B4GALT4: variants seen among roughly 807,000 people sequenced by gnomAD.
B4GALT4 encodes the protein N-acetyllactosamine synthase.
In B4GALT4, 27 loss-of-function variants were observed where a neutral mutation model predicts 37.3. The ratio of observed to expected loss-of-function variants is 0.72; its 90% CI spans 0.53 to 1.00. B4GALT4 has a LOEUF of 1.00. Among genes scored for constraint, B4GALT4 ranks in the 50% least tolerant of loss-of-function variants. The pLI is 0.00. For missense variants in B4GALT4, 372 were observed against 413.1 expected, an observed-to-expected ratio of 0.90 and a Z score of 0.86; for synonymous variants, 148 against 154.1, an observed-to-expected ratio of 0.96 and a Z score of 0.29.
At chr3:119,229,308 C>T (rs4234656) in intron 3 of B4GALT4, among the ~76,000 whole-genome samples, 137,471 of 152,244 alleles carry the variant, frequency 0.9, 62,231 homozygotes, top group Middle Eastern at 0.94. Flanking sequence ...ATGGACGCTA[C>T]TAATGTGTGC....
chr3:119,224,785 T>C (rs1439740615), intron 4 of B4GALT4, among the ~76,000 whole-genome samples: 1 of 152,200 alleles, frequency 6.6e-6, no homozygotes, highest in Non-Finnish European at 1.5e-5. Context: ...TAATGTACAC[T>C]TAAAATGTAT....
chr3:119,227,118 T>A, intron 3 of B4GALT4, 77 bp from the exon 4 acceptor site: 2 of 1,263,258 alleles, frequency 1.6e-6, no homozygotes. Flanking sequence ...CTAATATGCA[T>A]AGAAAGAACA....
At chr3:119,231,888 A>G (rs1227790304) in intron 2 of B4GALT4, among the ~76,000 whole-genome samples, 1 of 148,848 alleles carries the variant, frequency 6.7e-6, no homozygotes, top group South Asian at 2.1e-4. Context: ...TTTGTATATC[A>G]CATATTGTCA....
At position 119,226,914 on chromosome 3, in the gene B4GALT4, G is replaced by A. The variant is rs780383728; in HGVS notation, c.381C>T (p.Leu127=). 9.3e-6 allele frequency: 15 copies of A among 1,614,048 alleles called. No homozygotes were observed. Among genetic ancestry groups the A allele is most frequent in the South Asian group, 3.3e-5 (3 of 91,084 alleles). ...ECKALQRVAI[L]VPHRNREKHL... ...GTTTCTCTCTGTTCCGGTGGGGAACGAGGATGGCGACCCTCTGTAAAGCTT... is the reference window on the plus strand; with the variant it reads ...GTTTCTCTCTGTTCCGGTGGGGAACAAGGATGGCGACCCTCTGTAAAGCTT... Residue 127 remains leucine, a synonymous_variant, in exon 4 of 8, where the codon CTC becomes CTT. Transcript: ENST00000393765.
In B4GALT4 at chr3:119,211,871, T is replaced by C. The variant is rs768869199; in HGVS notation, c.*678A>G. 1.1e-4 allele frequency: 43 copies of C among 394,972 alleles called. No homozygotes were observed. The highest frequency in any genetic ancestry group is 1.6e-4 in the Admixed American group (4 of 25,050). 24.5% of individuals were successfully genotyped at this position (394,972 alleles called of 1,614,324 possible). On this transcript the variant is annotated 3_prime_UTR_variant, in exon 8 of 8. Coordinates refer to ENST00000393765, the MANE Select transcript of B4GALT4 (RefSeq NM_003778.4). ...TTTACAAAAACTCTTTAAAAACTAA[T>C]AGAGAATGTATTCTCTGGTGGGCAT...
intron 3 of B4GALT4, 64 bp from the exon 4 acceptor site, chr3:119,227,105 G>A (rs183833801): frequency 1.4e-5 from 19 of 1,388,996 alleles, no homozygotes; most frequent in East Asian, 4.6e-5. Context: ...AGGTTTACAC[G>A]AGCTAATATG....
Position 119,230,019 on chromosome 3 carries a change from C to T in B4GALT4, c.81G>A (p.Gly27=). 1 of 1,614,150 alleles carries T rather than the reference C, an allele frequency of 6.2e-7. No homozygotes were observed. The highest frequency in any genetic ancestry group is 8.5e-7 in the Non-Finnish European group (1 of 1,180,024). The change falls in exon 3 of 8, where the codon GGG becomes GGA. Residue 27 remains glycine (G), a synonymous_variant. Transcript: ENST00000393765. ...LLLTLCLTVV[G]WATSNYFVGA... ...CCACGAAGTAGTTACTGGTGGCCCA[C>T]CCAACCACTGTCAGGCACAAAGTCA...
At chr3:119,228,389 G>C (rs1356943083) in intron 3 of B4GALT4, among the ~76,000 whole-genome samples, 1 of 151,940 alleles carries the variant, frequency 6.6e-6, no homozygotes, top group African/African-American at 2.4e-5. Flanking sequence ...GTCACTAATG[G>C]CCCATTTTAA....
In B4GALT4 at chr3:119,229,946, G is replaced by A. The variant is rs1308347426; in HGVS notation, c.154C>T (p.His52Tyr). The A allele has an allele frequency of 6.2e-7, 1 of 1,614,134 alleles. No individual in the cohort carries two copies. Among genetic ancestry groups the A allele is most frequent in the Admixed American group, 1.7e-5 (1 of 60,014 alleles). ...PKAKEFMANF[H>Y]KTLILGKGKT... ...CCCTTCCCCAAAATGAGGGTCTTATGGAAATTAGCCATGAACTCCTTTGCT... is the reference window on the plus strand; with the variant it reads ...CCCTTCCCCAAAATGAGGGTCTTATAGAAATTAGCCATGAACTCCTTTGCT... The change falls in exon 3 of 8, where the codon CAT becomes TAT. Residue 52 changes from histidine to tyrosine, a missense_variant. Coordinates refer to ENST00000393765, the MANE Select transcript of B4GALT4 (RefSeq NM_003778.4).
intron 2 of B4GALT4, among the ~76,000 whole-genome samples, chr3:119,233,592 T>A (rs2107535764): frequency 6.6e-6 from 1 of 152,214 alleles, no homozygotes; most frequent in East Asian, 1.9e-4. Flanking sequence ...TTCCATATAC[T>A]GAGGGATGAC....
intron 4 of B4GALT4, 36 bp downstream of exon 4, chr3:119,226,773 G>C (rs1231244934): frequency 1.3e-6 from 2 of 1,563,320 alleles, no homozygotes; most frequent in East Asian, 4.5e-5. Context: ...AGAAGAGGAG[G>C]GTCGAGGGCA....
chr3:119,226,333 T>C (rs2078617158), intron 4 of B4GALT4, among the ~76,000 whole-genome samples: 2 of 152,170 alleles, frequency 1.3e-5, no homozygotes, highest in Non-Finnish European at 2.9e-5. Context: ...TAATAAATAG[T>C]GGCAAAGTTC....
At chr3:119,220,947 C>T (rs1484019472) in intron 5 of B4GALT4, among the ~76,000 whole-genome samples, 1 of 150,942 alleles carries the variant, frequency 6.6e-6, no homozygotes, top group Non-Finnish European at 1.5e-5. Flanking sequence ...GATCGCACCG[C>T]TGCACTCCAG....
intron 2 of B4GALT4, among the ~76,000 whole-genome samples, chr3:119,232,001 T>TA (rs2107530190): frequency 6.6e-6 from 1 of 151,990 alleles, no homozygotes; most frequent in African/African-American, 2.4e-5. Context: ...TAAGTAACTG[T>TA]AAAAAACAAC....
chr3:119,222,949 A>G (rs953344146), intron 5 of B4GALT4, among the ~76,000 whole-genome samples: 48 of 152,328 alleles, frequency 3.2e-4, no homozygotes, highest in African/African-American at 1.1e-3. Context: ...GTTACTTAAG[A>G]ATTCTCTTAA....
chr3:119,220,730 T>G (rs920818173), intron 5 of B4GALT4, among the ~76,000 whole-genome samples: 2 of 152,166 alleles, frequency 1.3e-5, no homozygotes, highest in African/African-American at 4.8e-5. Context: ...TCCACGCCTG[T>G]AATCCCAGCA....
At chr3:119,216,200 T>C (rs1049883953) in intron 7 of B4GALT4, 40 bp downstream of exon 7, 17 of 1,497,988 alleles carry the variant, frequency 1.1e-5, no homozygotes, top group Non-Finnish European at 1.2e-5. Context: ...CAGAACAGAC[T>C]AGGGAGGTAG....
chr3:119,227,059 C>T lies in B4GALT4; in HGVS notation c.254-18G>A, dbSNP rs762799092. The T allele has an allele frequency of 2.5e-6, 4 of 1,605,930 alleles. No individual in the cohort carries two copies. In the East Asian group the frequency reaches 8.9e-5, roughly 36 times the overall value. ...CTGGCCTCCTACAATGAACATAGGA[C>T]ACAGACAATAACAGTAGCTACTTCA... On this transcript the variant is annotated intron_variant, in intron 3 of 7. Transcript: ENST00000393765.
chr3:119,212,512 G>T lies in B4GALT4; in HGVS notation c.*37C>A. 1 of 1,550,760 alleles carries T rather than the reference G, an allele frequency of 6.4e-7. No individual in the cohort carries two copies. ...CTAGGCCAAAATTATTGCAAACAAA[G>T]AATCAGTTCTTCCAAACATCACCAA... is the stretch of plus-strand genomic sequence containing the variant. On this transcript the variant is annotated 3_prime_UTR_variant, in exon 8 of 8. Coordinates refer to ENST00000393765, the MANE Select transcript of B4GALT4 (RefSeq NM_003778.4).
Sources: allele counts gnomAD v4.1 joint callset (sites outside exome capture counted in the v4.1 genomes callset), GRCh38; gene constraint gnomAD v4.1.1; transcripts MANE v1.5; gene names NCBI Gene and HGNC (gene_info 2026-07-23, HGNC 2026-07-21).